Variants in LRPPRC observed in about 807,000 individuals in gnomAD.
LRPPRC encodes leucine-rich PPR motif-containing protein, mitochondrial.
A neutral mutation model predicts 180.3 loss-of-function variants in LRPPRC; 120 were observed. That is an observed-to-expected ratio of 0.67 (90% CI 0.57 to 0.77). The LOEUF is 0.77. Ranked by LOEUF, LRPPRC falls within the 30% of genes least tolerant of loss-of-function variation. LRPPRC has a pLI of 0.00. For synonymous variants in LRPPRC, 723 were observed against 600.0 expected, an observed-to-expected ratio of 1.21 and a Z score of -3.00; for missense variants, 2,012 against 1,657.2, an observed-to-expected ratio of 1.21 and a Z score of -3.72.
At position 43,947,838 on chromosome 2, in the gene LRPPRC, A is replaced by G. The variant is rs1572955509; in HGVS notation, c.1921-63T>C. 19 of 1,066,338 alleles carry G rather than the reference A, an allele frequency of 1.8e-5. No individual in the cohort carries two copies. In the East Asian group the frequency reaches 4.5e-4, roughly 25 times the overall value. The allele number at this position is 1,066,338 out of a possible 1,614,324, so 66.1% of individuals were successfully genotyped here. On this transcript the variant is annotated intron_variant, in intron 18 of 37. Coordinates refer to ENST00000260665, the MANE Select transcript of LRPPRC (RefSeq NM_133259.4). Reference sequence around the variant, plus strand: ...CACACGTAAAAATACATCAGCAAACATCAAAAGCAAATTTGTAAGTCTCAC... The same window carrying G: ...CACACGTAAAAATACATCAGCAAACGTCAAAAGCAAATTTGTAAGTCTCAC...
intron 11 of LRPPRC, among the ~76,000 whole-genome samples, chr2:43,967,604 G>T (rs1235774739): frequency 3.9e-5 from 6 of 152,140 alleles, no homozygotes; most frequent in Admixed American, 3.3e-4. Context: ...TGAGGCAGGG[G>T]TATTGCTTGA....
At chr2:43,979,730 A>C in intron 3 of LRPPRC, 96 bp downstream of exon 3, 1 of 1,104,080 alleles carries the variant, frequency 9.1e-7, no homozygotes, top group Non-Finnish European at 1.4e-6. Context: ...CCCTTCCATA[A>C]AACTGAATTA....
At chr2:43,962,729 A>C (rs199899242) in intron 12 of LRPPRC, among the ~76,000 whole-genome samples, 1 of 152,222 alleles carries the variant, frequency 6.6e-6, no homozygotes, top group East Asian at 1.9e-4. Flanking sequence ...AAGTTTAAAA[A>C]AAGAGAGAGA....
rs746600862 is a variant in LRPPRC, at chr2:43,932,123, C to CAAAAAAAAAAAAAAA, written c.2736+2052_2736+2066dup. ...TGGCTAACAAAGCAAGACCCTGTCTCAAAAAAAAAAAAAAAAAAAAAAAAA... is the reference window on the plus strand; with the variant it reads ...TGGCTAACAAAGCAAGACCCTGTCTCAAAAAAAAAAAAAAAAAAAAAAAAAAAAAAAAAAAAAAAA... On this transcript the variant is annotated intron_variant, in intron 25 of 37. Coordinates refer to ENST00000260665, the MANE Select transcript of LRPPRC (RefSeq NM_133259.4). Among the ~76,000 whole-genome samples the CAAAAAAAAAAAAAAA allele has an allele frequency of 9.6e-4, 20 of 20,858 alleles. 4 individuals carry two copies. The highest frequency in any genetic ancestry group is 2.1e-3 in the African/African-American group (11 of 5,306). The allele number at this position is 20,858 out of a possible 152,430, so 13.7% of individuals were successfully genotyped here. A position where few individuals can be genotyped will look rare whatever the true frequency, so the allele number is the denominator to read the frequency against.
At chr2:43,950,215 T>TA (rs1672844819) in intron 15 of LRPPRC, among the ~76,000 whole-genome samples, 1 of 149,952 alleles carries the variant, frequency 6.7e-6, no homozygotes, top group Non-Finnish European at 1.5e-5. Context: ...CTTTTTTTTT[T>TA]AATTTCCAAC....
At chr2:43,931,476 C>T (rs545961476) in intron 25 of LRPPRC, among the ~76,000 whole-genome samples, 1 of 152,152 alleles carries the variant, frequency 6.6e-6, no homozygotes, top group African/African-American at 2.4e-5. Context: ...GGCAGAAGAA[C>T]GATAAAGGGA....
chr2:43,940,451 T>TATGA (rs1161048987), intron 23 of LRPPRC, among the ~76,000 whole-genome samples: 4 of 152,250 alleles, frequency 2.6e-5, no homozygotes, highest in Admixed American at 2.0e-4. Flanking sequence ...TTGTGACCTT[T>TATGA]ATGAACTCAA....
intron 31 of LRPPRC, chr2:43,902,607 T>G (rs369691049): frequency 1.3e-5 from 2 of 152,058 alleles, no homozygotes; most frequent in African/African-American, 4.8e-5. Context: ...CTTAAACCAC[T>G]CATTCTCAAA....
intron 23 of LRPPRC, among the ~76,000 whole-genome samples, chr2:43,938,970 C>T (rs1223464839): frequency 2.0e-5 from 3 of 152,020 alleles, no homozygotes; most frequent in Non-Finnish European, 4.4e-5. Context: ...AGAGAGTATA[C>T]TTAAACAACA....
intron 27 of LRPPRC, among the ~76,000 whole-genome samples, chr2:43,922,018 C>T (rs1430675127): frequency 1.3e-5 from 2 of 152,128 alleles, no homozygotes; most frequent in African/African-American, 2.4e-5. Context: ...AAATGTTTGT[C>T]ATATAGAAAT....
chr2:43,889,374 C>T (rs978244298), intron 37 of LRPPRC, among the ~76,000 whole-genome samples: 41 of 128,554 alleles, frequency 3.2e-4, no homozygotes, highest in Admixed American at 1.4e-3. Context: ...TAAAAACCAA[C>T]TTATGTAAAT....
chr2:43,894,595 G>A lies in LRPPRC; in HGVS notation c.3935C>T (p.Pro1312Leu). Residue 1312 changes from proline (P) to leucine (L), a missense_variant, in exon 36 of 38, where the codon CCT becomes CTT. Pro to Leu is a moderately conservative substitution (Grantham distance 98, BLOSUM62 -3). Transcript: ENST00000260665. ...TGCTTCTTCCTTTTCATTTAATTCA[G>A]GAATCAATTCTAACACAGATTTCAC... Reference protein sequence around the residue: ...STVKSVLELIPELNEKEEAYN... With the variant: ...STVKSVLELILELNEKEEAYN... 6.3e-7 allele frequency: 1 copy of A among 1,583,274 alleles called. No homozygotes were observed. The highest frequency in any genetic ancestry group is 1.3e-5 in the African/African-American group (1 of 74,360).
At chr2:43,943,095 CTAAAA>C (rs1672543125) in intron 23 of LRPPRC, among the ~76,000 whole-genome samples, 2 of 151,980 alleles carry the variant, frequency 1.3e-5, no homozygotes, top group Admixed American at 1.3e-4. Context: ...AGTCATCTTA[CTAAAA>C]TGTTTTATTC....
chr2:43,946,544 G>C (rs1010667681), intron 20 of LRPPRC, among the ~76,000 whole-genome samples: 1 of 151,996 alleles, frequency 6.6e-6, no homozygotes, highest in Non-Finnish European at 1.5e-5. Context: ...TCCAGATTAA[G>C]TAATTCCCAA....
At chr2:43,915,829 G>A (rs1671447384) in intron 29 of LRPPRC, among the ~76,000 whole-genome samples, 3 of 152,104 alleles carry the variant, frequency 2.0e-5, no homozygotes, top group Non-Finnish European at 2.9e-5. Flanking sequence ...TCACCCAGGT[G>A]CGATCATGGC....
chr2:43,973,681 T>G lies in LRPPRC; in HGVS notation c.1295A>C (p.Glu432Ala). The change falls in exon 11 of 38, where the codon GAG (glutamate) becomes GCG (alanine). Residue 432 changes from glutamate (E) to alanine (A), a missense_variant. Physicochemically the swap from Glu to Ala is moderately radical, Grantham distance 107. Transcript: ENST00000260665. ...GTGAGGTCTGATAGGAAAACCTTCC[T>G]CCTTCACAGCCTTCATTAAGGCTTT... The part of the protein sequence containing the change: ...LAKALMKAVK[E>A]EGFPIRPHYF... The G allele has an allele frequency of 1.2e-6, 2 of 1,613,978 alleles. No homozygotes were observed. The highest frequency in any genetic ancestry group is 2.7e-5 in the African/African-American group (2 of 75,060).
Position 43,920,860 on chromosome 2 carries a change from G to C in LRPPRC, c.2897-2462C>G, listed in dbSNP as rs555354389. Among the ~76,000 whole-genome samples, 6 of 152,178 alleles carry C rather than the reference G, an allele frequency of 3.9e-5. No homozygotes were observed. In the South Asian group the frequency reaches 1.2e-3, roughly 32 times the overall value. ...AGTTATTCTAAACAATAAAAAGGTG[G>C]GTGGATAATCTACAACTCCGTGCCT... On this transcript the variant is annotated intron_variant, in intron 27 of 37. Coordinates refer to ENST00000260665, the MANE Select transcript of LRPPRC (RefSeq NM_133259.4).
chr2:43,896,380 A>AT (rs1670688267), intron 35 of LRPPRC: 1 of 382,854 alleles, frequency 2.6e-6, no homozygotes, highest in Non-Finnish European at 4.9e-6. Flanking sequence ...CTAATCTTGC[A>AT]TTTTTTAAGG....
intron 11 of LRPPRC, among the ~76,000 whole-genome samples, chr2:43,964,113 A>C (rs1673463043): frequency 1.3e-5 from 2 of 152,324 alleles, no homozygotes; most frequent in South Asian, 4.1e-4. Flanking sequence ...ACATGTTTTC[A>C]ATTAAGCACT....
Sources: allele counts gnomAD v4.1 joint callset (sites outside exome capture counted in the v4.1 genomes callset), GRCh38; gene constraint gnomAD v4.1.1; transcripts MANE v1.5; gene names NCBI Gene and HGNC (gene_info 2026-07-23, HGNC 2026-07-21).